LRBA: variants seen among roughly 807,000 people sequenced by gnomAD.
The protein encoded by LRBA is LPS responsive beige-like anchor protein, also known as lipopolysaccharide-responsive and beige-like anchor protein.
Under a neutral mutation model 330.0 loss-of-function variants are expected in LRBA, and 176 were observed. The ratio of observed to expected loss-of-function variants is 0.53; its 90% confidence interval spans 0.47 to 0.60. The LOEUF is 0.60. Ranked by LOEUF, LRBA falls within the 20% of genes least tolerant of loss-of-function variation. LRBA has a pLI of 0.00. For missense variants in LRBA, 3,259 were observed against 3,444.8 expected, an observed-to-expected ratio of 0.95 and a Z score of 1.35; for synonymous variants, 1,230 against 1,193.0, an observed-to-expected ratio of 1.03 and a Z score of -0.64.
At chr4:150,880,911 A>G (rs1219186893) in intron 17 of LRBA, among the ~76,000 whole-genome samples, 1 of 152,238 alleles carries the variant, frequency 6.6e-6, no homozygotes, top group African/African-American at 2.4e-5. Context: ...GAAGACATAC[A>G]AGCAGGCAAC....
intron 36 of LRBA, among the ~76,000 whole-genome samples, chr4:150,706,510 T>C (rs941886823): frequency 6.6e-6 from 1 of 151,340 alleles, no homozygotes; most frequent in African/African-American, 2.4e-5. Context: ...AAGAAACATA[T>C]GGGAATTCCT....
At position 150,817,131 on chromosome 4, in the gene LRBA, T is replaced by C. The variant is rs774599811; in HGVS notation, c.5298A>G (p.Glu1766=). The C allele has an allele frequency of 1.1e-5, 17 of 1,611,636 alleles. No individual in the cohort carries two copies. Among genetic ancestry groups the C allele is most frequent in the South Asian group, 8.8e-5 (8 of 90,926 alleles). The change falls in exon 31 of 57, where the codon GAA becomes GAG. Residue 1766 remains glutamate (E), a synonymous_variant. Coordinates refer to ENST00000651943, the MANE Select transcript of LRBA (RefSeq NM_001364905.1). ...CACTGATAACTAACTCACCTGGTGA[T>C]TCTCCTCCCATATCTGAGGCTTGGG... ...DSAQASDMGG[E]SPGSRSSNAK...
At chr4:150,781,004 C>T (rs1048300872) in intron 34 of LRBA, among the ~76,000 whole-genome samples, 1 of 152,046 alleles carries the variant, frequency 6.6e-6, no homozygotes, top group African/African-American at 2.4e-5. Context: ...CTCAGCCTCT[C>T]GAGTAGCTGG....
chr4:150,991,993 T>C (rs1447066397), intron 2 of LRBA, among the ~76,000 whole-genome samples: 1 of 152,128 alleles, frequency 6.6e-6, no homozygotes. Context: ...CAAAGGATTC[T>C]CAGAGAAAAT....
chr4:150,310,881 T>C (rs1315870557), intron 51 of LRBA: 1 of 152,496 alleles, frequency 6.6e-6, no homozygotes, highest in Non-Finnish European at 1.5e-5. Context: ...GGTCTTTAAT[T>C]TGACTAGATG....
chr4:150,919,258 G>A (rs904248495), intron 5 of LRBA, among the ~76,000 whole-genome samples: 4 of 152,270 alleles, frequency 2.6e-5, no homozygotes, highest in African/African-American at 4.8e-5. Flanking sequence ...TGGGTGTGAT[G>A]AGAATGTCCC....
At chr4:150,276,605 G>A (rs1394157516) in intron 56 of LRBA, among the ~76,000 whole-genome samples, 1 of 152,128 alleles carries the variant, frequency 6.6e-6, no homozygotes, top group African/African-American at 2.4e-5. Flanking sequence ...CCATCAAAAA[G>A]TGGGCAAAAG....
chr4:150,810,420 A>C (rs1451477236), intron 31 of LRBA, among the ~76,000 whole-genome samples: 1 of 77,802 alleles, frequency 1.3e-5, no homozygotes, highest in East Asian at 2.8e-4. Context: ...TGATAATCAA[A>C]GTTGACTTTC....
At chr4:150,427,268 C>G (rs1472057119) in intron 46 of LRBA, among the ~76,000 whole-genome samples, 1 of 151,802 alleles carries the variant, frequency 6.6e-6, no homozygotes, top group Non-Finnish European at 1.5e-5. Context: ...TTCCAAATGC[C>G]TTAATAGGTT....
intron 2 of LRBA, among the ~76,000 whole-genome samples, chr4:151,002,563 C>A: frequency 7.2e-6 from 1 of 138,220 alleles, no homozygotes; most frequent in African/African-American, 2.7e-5. Flanking sequence ...GAAACTCCAT[C>A]TCTCAGAAAA....
intron 37 of LRBA, among the ~76,000 whole-genome samples, chr4:150,605,703 G>A (rs1028316264): frequency 5.9e-5 from 9 of 151,990 alleles, no homozygotes; most frequent in Non-Finnish European, 1.0e-4. Flanking sequence ...AAATCTTGGT[G>A]AAATAATGTT....
chr4:150,592,144 G>GGTT (rs1772932507), intron 38 of LRBA, among the ~76,000 whole-genome samples: 1 of 65,166 alleles, frequency 1.5e-5, no homozygotes, highest in African/African-American at 6.9e-5. Flanking sequence ...GATGGCTAGG[G>GGTT]TTTTTTTTTT....
At chr4:150,895,164 A>G (rs1729924934) in intron 16 of LRBA, among the ~76,000 whole-genome samples, 1 of 152,198 alleles carries the variant, frequency 6.6e-6, no homozygotes, top group Admixed American at 6.5e-5. Flanking sequence ...AAGTTTTACT[A>G]ATTATAGGTA....
chr4:150,622,608 TC>T (rs762856960), intron 37 of LRBA, among the ~76,000 whole-genome samples: 5 of 151,522 alleles, frequency 3.3e-5, no homozygotes, highest in Non-Finnish European at 5.9e-5. Context: ...TAAGTACTCT[TC>T]CGGGGGAAAA....
intron 44 of LRBA, among the ~76,000 whole-genome samples, chr4:150,457,999 C>T (rs72955891): frequency 0.016 from 2,458 of 151,816 alleles, 57 homozygotes; most frequent in African/African-American, 0.052. Context: ...TATTCATCAC[C>T]CTGACAGTAA....
Position 150,735,248 on chromosome 4 carries a change from T to C in LRBA, c.5754+10A>G. On this transcript the variant is annotated intron_variant, in intron 36 of 56. Coordinates refer to ENST00000651943, the MANE Select transcript of LRBA (RefSeq NM_001364905.1). ...GTAACTTCCGCACACCAACCATATG[T>C]GTAACCTACCTCAAATTCCGCATGT... 1.3e-6 allele frequency: 2 copies of C among 1,596,218 alleles called. No individual in the cohort carries two copies. The highest frequency in any genetic ancestry group is 1.7e-6 in the Non-Finnish European group (2 of 1,163,868).
intron 37 of LRBA, among the ~76,000 whole-genome samples, chr4:150,625,689 A>T (rs1158471265): frequency 6.8e-6 from 1 of 146,300 alleles, no homozygotes; most frequent in Non-Finnish European, 1.5e-5. Flanking sequence ...TACCGAGATT[A>T]TATATATATA....
chr4:150,315,634 C>T lies in LRBA; in HGVS notation c.7631-11G>A. On this transcript the variant is annotated splice_polypyrimidine_tract_variant and intron_variant, in intron 50 of 56. Transcript: ENST00000651943. Reference sequence around the variant, plus strand: ...CAGCACCTTGATGAGCTGGAATTCACAAAAGATAAAGAAAAAAGGCATTAT... The same window carrying T: ...CAGCACCTTGATGAGCTGGAATTCATAAAAGATAAAGAAAAAAGGCATTAT... 1 of 1,560,320 alleles carries T rather than the reference C, an allele frequency of 6.4e-7. No homozygotes were observed. The highest frequency in any genetic ancestry group is 8.6e-7 in the Non-Finnish European group (1 of 1,158,340).
In LRBA at chr4:150,265,487, A is replaced by ATGAC. The variant is rs1745188291; in HGVS notation, c.*231_*234dup. On this transcript the variant is annotated 3_prime_UTR_variant, in exon 57 of 57. Coordinates refer to ENST00000651943, the MANE Select transcript of LRBA (RefSeq NM_001364905.1). ...AATTGGTGAAAATAGACTTCTCATTATGACTAAAAATATAGATTTTTTAAA... is the reference window on the plus strand; with the variant it reads ...AATTGGTGAAAATAGACTTCTCATTATGACTGACTAAAAATATAGATTTTTTAAA... The ATGAC allele has an allele frequency of 5.3e-6, 2 of 378,312 alleles. No homozygotes were observed. The highest frequency in any genetic ancestry group is 4.1e-5 in the African/African-American group (2 of 49,356). The allele number at this position is 378,312 out of a possible 1,614,324, so 23.4% of individuals were successfully genotyped here.
Sources: allele counts gnomAD v4.1 joint callset (sites outside exome capture counted in the v4.1 genomes callset), GRCh38; gene constraint gnomAD v4.1.1; transcripts MANE v1.5; gene names NCBI Gene and HGNC (gene_info 2026-07-23, HGNC 2026-07-21).